The following NHS variants were observed in gnomAD, a reference collection of about 807,000 sequenced individuals.
NHS encodes actin remodeling regulator NHS.
A neutral mutation model predicts 72.5 loss-of-function variants in NHS; 5 were observed. The observed-to-expected ratio is 0.07, with a 90% CI of 0.04 to 0.14. NHS has a LOEUF of 0.14. NHS is among the 10% of genes least tolerant of loss of function. The probability of loss-of-function intolerance (pLI) is 1.00; values close to 1 mark genes in which losing one functional copy is unlikely to be tolerated. For synonymous variants in NHS, 464 were observed against 547.7 expected, an observed-to-expected ratio of 0.85 and a Z score of 2.13; for missense variants, 1,072 against 1,355.7, an observed-to-expected ratio of 0.79 and a Z score of 3.29.
At chrX:17,427,209 T>C (rs183918332) in intron 1 of NHS, among the ~76,000 whole-genome samples, 2 of 111,683 alleles carry the variant, frequency 1.8e-5, no homozygotes, top group African/African-American at 6.5e-5. Flanking sequence ...TTGTTGGGAA[T>C]TGAGGCTACA....
intron 1 of NHS, among the ~76,000 whole-genome samples, chrX:17,573,928 G>T (rs1428828300): frequency 8.9e-6 from 1 of 111,943 alleles, no homozygotes; most frequent in Non-Finnish European, 1.9e-5. Context: ...TCTTCTAACA[G>T]ACAGGCCTCT....
At chrX:17,635,656 C>CTAACGAAGAGGGGCTTGTGCTG (rs1217597196) in intron 1 of NHS, 7 of 1,097,868 alleles carry the variant, frequency 6.4e-6, no homozygotes, top group Non-Finnish European at 8.6e-6. Context: ...GAGGCTGGGT[C>CTAACGAAGAGGGGCTTGTGCTG]TAACGAAGAG....
At chrX:17,552,209 C>T (rs990656766) in intron 1 of NHS, 2 of 112,219 alleles carry the variant, frequency 1.8e-5, no homozygotes, top group African/African-American at 6.5e-5. Flanking sequence ...TGGTGTCTCC[C>T]GGAGTGTGCA....
At chrX:17,454,041 C>T (rs1168686638) in intron 1 of NHS, among the ~76,000 whole-genome samples, 1 of 112,156 alleles carries the variant, frequency 8.9e-6, no homozygotes, top group East Asian at 2.8e-4. Flanking sequence ...ATCTTCTTGT[C>T]TGATTGTTAA....
chrX:17,517,000 T>C (rs1324313364), intron 1 of NHS, among the ~76,000 whole-genome samples: 3 of 112,389 alleles, frequency 2.7e-5, no homozygotes, highest in Non-Finnish European at 5.6e-5. Flanking sequence ...TTTGGGTATC[T>C]GTCTAGTGGA....
intron 1 of NHS, among the ~76,000 whole-genome samples, chrX:17,380,834 T>C (rs2064374225): frequency 9.0e-6 from 1 of 111,649 alleles, no homozygotes; most frequent in African/African-American, 3.3e-5. Context: ...TGGATATCAT[T>C]GAGAAGCCGA....
At chrX:17,621,883 G>A (rs1213179733) in intron 1 of NHS, among the ~76,000 whole-genome samples, 2 of 111,654 alleles carry the variant, frequency 1.8e-5, no homozygotes, top group Non-Finnish European at 3.8e-5. Flanking sequence ...TAAAATGAGG[G>A]GATTGGACTG....
intron 1 of NHS, among the ~76,000 whole-genome samples, chrX:17,510,761 T>C: frequency 8.9e-6 from 1 of 112,572 alleles, no homozygotes; most frequent in South Asian, 3.7e-4. Flanking sequence ...TGACATTTTA[T>C]ATCTGGACAT....
chrX:17,511,191 C>T (rs953483608), intron 1 of NHS, among the ~76,000 whole-genome samples: 1 of 111,567 alleles, frequency 9.0e-6, no homozygotes, highest in Non-Finnish European at 1.9e-5. Flanking sequence ...CATGCCTGCC[C>T]CCTCTAGCTC....
chrX:17,559,616 C>CT (rs1407298790), intron 1 of NHS, among the ~76,000 whole-genome samples: 1 of 112,351 alleles, frequency 8.9e-6, no homozygotes, highest in Non-Finnish European at 1.9e-5. Flanking sequence ...AGGAAGCCTT[C>CT]TTTTGATAGC....
At chrX:17,664,016 C>T (rs1447839768) in intron 1 of NHS, among the ~76,000 whole-genome samples, 1 of 50,653 alleles carries the variant, frequency 2.0e-5, no homozygotes, top group Non-Finnish European at 3.5e-5. Flanking sequence ...CTAATTAAGC[C>T]TTTTTCTCAT....
In NHS at chrX:17,375,555, AAGG is replaced by A; in HGVS notation, c.-198_-196del. On this transcript the variant is annotated 5_prime_UTR_variant, in exon 1 of 9. Coordinates refer to ENST00000676302, the MANE Select transcript of NHS (RefSeq NM_001291867.2). ...TCCTCCCCAGGGAACGGTGCACCCA[AAGG>A]AGGACTGGCTGGACTGATTTGCTAG... 2.3e-6 allele frequency: 1 copy of A among 436,661 alleles called. No individual in the cohort carries two copies. The highest frequency in any genetic ancestry group is 4.0e-6 in the Non-Finnish European group (1 of 251,373). 36.0% of individuals were successfully genotyped at this position (436,661 alleles called of 1,213,427 possible). A position where few individuals can be genotyped will look rare whatever the true frequency, so the allele number is the denominator to read the frequency against.
At chrX:17,605,753 A>G (rs781426817) in intron 1 of NHS, among the ~76,000 whole-genome samples, 42 of 111,336 alleles carry the variant, frequency 3.8e-4, no homozygotes, top group South Asian at 3.9e-4. Flanking sequence ...TACAATGAGC[A>G]GGGGCTAGCC....
At chrX:17,678,988 T>A (rs1168941445) in intron 1 of NHS, among the ~76,000 whole-genome samples, 3 of 111,148 alleles carry the variant, frequency 2.7e-5, no homozygotes, top group African/African-American at 9.8e-5. Flanking sequence ...ATGTCAACTT[T>A]ATCTAATACA....
chrX:17,676,418 A>G (rs746969611), intron 1 of NHS, among the ~76,000 whole-genome samples: 49 of 112,214 alleles, frequency 4.4e-4, no homozygotes, highest in Admixed American at 5.7e-4. Flanking sequence ...TCAAGAAACT[A>G]TGAGTACTAA....
intron 1 of NHS, among the ~76,000 whole-genome samples, chrX:17,466,554 T>C (rs941056984): frequency 3.6e-5 from 4 of 111,996 alleles, no homozygotes; most frequent in African/African-American, 1.3e-4. Flanking sequence ...AATAATCTTA[T>C]TGTAATCTTG....
chrX:17,407,170 A>AAT (rs1296559695), intron 1 of NHS, among the ~76,000 whole-genome samples: 1 of 112,059 alleles, frequency 8.9e-6, no homozygotes, highest in Non-Finnish European at 1.9e-5. Flanking sequence ...TGTCTCAGCA[A>AAT]ATCCTTTCTG....
intron 1 of NHS, among the ~76,000 whole-genome samples, chrX:17,444,391 A>C (rs1349317232): frequency 3.6e-5 from 4 of 111,686 alleles, no homozygotes. Flanking sequence ...GTGTATGTGC[A>C]TTAAAGTTTA....
chrX:17,593,968 A>AC (rs1403774732), intron 1 of NHS, among the ~76,000 whole-genome samples: 2 of 111,192 alleles, frequency 1.8e-5, no homozygotes, highest in African/African-American at 6.6e-5. Context: ...TCTTTTTCAT[A>AC]CCTGTTTGTC....
Sources: gnomAD v4.1 joint callset for allele counts (sites outside exome capture counted in the v4.1 genomes callset) on GRCh38, gnomAD v4.1.1 for gene constraint, MANE v1.5 for transcripts, NCBI Gene and HGNC (gene_info 2026-07-23, HGNC 2026-07-21) for gene names.